Variants in C2CD5 observed in about 807,000 individuals in gnomAD.
C2CD5 encodes C2 calcium dependent domain containing 5.
A neutral mutation model predicts 130.3 loss-of-function variants in C2CD5; 109 were observed. The observed-to-expected ratio is 0.84, with a 90% CI of 0.72 to 0.98. The LOEUF (loss-of-function observed/expected upper bound fraction) is 0.98, where lower values mean the gene tolerates loss of function less well. Among genes scored for constraint, C2CD5 ranks in the 50% least tolerant of loss-of-function variants. The pLI, the probability that C2CD5 is intolerant of heterozygous loss-of-function variation, is 0.00. For synonymous variants in C2CD5, 454 were observed against 429.2 expected (o/e 1.06, Z -0.71); for missense variants, 996 against 1,261.8 (o/e 0.79, Z 3.19).
At chr12:22,519,004 G>C (rs757405514) in intron 7 of C2CD5, 4 of 907,616 alleles carry the variant, frequency 4.4e-6, no homozygotes, top group Non-Finnish European at 6.3e-6. Context: ...GTAAGAAAAG[G>C]ATGAAGCAAA....
In C2CD5 at chr12:22,484,747, G is replaced by T; in HGVS notation, c.1500C>A (p.Asp500Glu). 6.2e-7 allele frequency: 1 copy of T among 1,605,508 alleles called. No individual in the cohort carries two copies. The highest frequency in any genetic ancestry group is 8.5e-7 in the Non-Finnish European group (1 of 1,176,574). The change falls in exon 13 of 27, where the codon GAC (aspartate) becomes GAA (glutamate). Residue 500 changes from aspartate (D) to glutamate (E), a missense_variant. Physicochemically the swap from Asp to Glu is conservative, Grantham distance 45 (BLOSUM62 2). Around this residue, in one of 9 missense-constraint regions of C2CD5, gnomAD observed 590 missense variants for 631.4 expected, o/e 0.93. Coordinates refer to ENST00000446597, the MANE Select transcript of C2CD5 (RefSeq NM_001286176.2). Reference sequence around the variant, plus strand: ...CAATAACTGTTGCATCTGTTGGGAGGTCTATAGTTGTAAACAGAACATCAG... The same window carrying T: ...CAATAACTGTTGCATCTGTTGGGAGTTCTATAGTTGTAAACAGAACATCAG... Reference protein sequence around the residue: ...KVPDVLFTTIDLPTDATVIGK... With the variant: ...KVPDVLFTTIELPTDATVIGK...
chr12:22,509,633 A>G lies in C2CD5; in HGVS notation c.1039-2814T>C, dbSNP rs572063125. On this transcript the variant is annotated intron_variant, in intron 9 of 26. Transcript: ENST00000446597. ...ATGAGAAGAGCTACTGCTGAAATCTATAGCAGATTGTTAAGTACCTATCAT... is the reference window on the plus strand; with the variant it reads ...ATGAGAAGAGCTACTGCTGAAATCTGTAGCAGATTGTTAAGTACCTATCAT... Among the ~76,000 whole-genome samples the G allele has an allele frequency of 2.0e-5, 3 of 152,360 alleles. No individual in the cohort carries two copies. The South Asian group carries it at 6.2e-4, about 32-fold the overall frequency.
In C2CD5 at chr12:22,478,390, G is replaced by A; in HGVS notation, c.1825C>T (p.Gln609Ter). ...TTCTTCTGCATATGAGAGATGTGTTGTTCATATGAGCCATCATTAGGAGTC... is the reference window on the plus strand; with the variant it reads ...TTCTTCTGCATATGAGAGATGTGTTATTCATATGAGCCATCATTAGGAGTC... Reference protein sequence around the residue: ...GKTPNDGSYEQHISHMQKKIN... With the variant: ...GKTPNDGSYE Residue 609 changes from glutamine (Q) to a stop codon, truncating the protein, a stop_gained, in exon 15 of 27, where the codon CAA becomes TAA. Transcript: ENST00000446597. LOFTEE classifies it high-confidence loss of function. 2 of 1,610,956 alleles carry A rather than the reference G, an allele frequency of 1.2e-6. No homozygotes were observed. The highest frequency in any genetic ancestry group is 8.5e-7 in the Non-Finnish European group (1 of 1,177,240).
intron 2 of C2CD5, among the ~76,000 whole-genome samples, chr12:22,538,392 T>A (rs1774534551): frequency 6.6e-6 from 1 of 152,176 alleles, no homozygotes; most frequent in African/African-American, 2.4e-5. Context: ...GAAATACAGT[T>A]GACATAAGCA....
chr12:22,543,155 T>TATCC (rs1952565463), intron 2 of C2CD5, among the ~76,000 whole-genome samples: 1 of 152,248 alleles, frequency 6.6e-6, no homozygotes, highest in South Asian at 2.1e-4. Context: ...ATGATATATC[T>TATCC]ATCCATCAAT....
intron 2 of C2CD5, 55 bp downstream of exon 2, chr12:22,544,006 T>C: frequency 7.4e-7 from 1 of 1,347,758 alleles, no homozygotes; most frequent in Non-Finnish European, 1.1e-6. Context: ...GGTGGGTAGA[T>C]CCTTCACAGG....
intron 8 of C2CD5, chr12:22,514,881 A>G: frequency 5.5e-6 from 3 of 541,810 alleles, no homozygotes; most frequent in Non-Finnish European, 7.1e-6. Flanking sequence ...ATAGAAAGGC[A>G]TCTTGTATAA....
intron 10 of C2CD5, among the ~76,000 whole-genome samples, chr12:22,496,088 C>T (rs953928165): frequency 6.6e-6 from 1 of 151,918 alleles, no homozygotes; most frequent in African/African-American, 2.4e-5. Flanking sequence ...ATTTAGGGGG[C>T]ATTTAATTAA....
At chr12:22,541,969 A>G (rs904519229) in intron 2 of C2CD5, among the ~76,000 whole-genome samples, 19 of 152,206 alleles carry the variant, frequency 1.2e-4, no homozygotes, top group African/African-American at 4.6e-4. Flanking sequence ...GAAGGAAGTA[A>G]TAAGTAACCC....
At position 22,513,344 on chromosome 12, in the gene C2CD5, G is replaced by A; in HGVS notation, c.988C>T (p.Pro330Ser). The change falls in exon 9 of 27, where the codon CCC becomes TCC. Residue 330 changes from proline to serine, a missense_variant. Around this residue, in one of 9 missense-constraint regions of C2CD5, gnomAD observed 156 missense variants for 165.9 expected, o/e 0.94. Coordinates refer to ENST00000446597, the MANE Select transcript of C2CD5 (RefSeq NM_001286176.2). ...GSGSAGKEGG[P>S]FKALLRQQTQ... ...TGTTGTCTTAAAAGAGCTTTAAAGG[G>A]CCCCCCTTCTTTTCCAGCACTACCA... 1 of 1,612,210 alleles carries A rather than the reference G, an allele frequency of 6.2e-7. No homozygotes were observed. The highest frequency in any genetic ancestry group is 1.1e-5 in the South Asian group (1 of 91,028).
intron 26 of C2CD5, 142 bp downstream of exon 26, chr12:22,453,754 G>A (rs751029717): frequency 5.0e-5 from 35 of 693,674 alleles, no homozygotes; most frequent in Middle Eastern, 2.7e-4. Flanking sequence ...CCATGGTTAT[G>A]AATAAACTCA....
intron 10 of C2CD5, among the ~76,000 whole-genome samples, chr12:22,503,004 A>C (rs1319205612): frequency 1.3e-5 from 2 of 152,184 alleles, no homozygotes; most frequent in Non-Finnish European, 2.9e-5. Flanking sequence ...AACTAATCTA[A>C]TTATTTAATT....
chr12:22,493,801 G>C (rs989061180), intron 10 of C2CD5, among the ~76,000 whole-genome samples: 6 of 151,684 alleles, frequency 4.0e-5, no homozygotes, highest in African/African-American at 1.5e-4. Context: ...CCAAGGCAAA[G>C]ATTTGTCAAT....
At chr12:22,465,177 G>T (rs1312686485) in intron 22 of C2CD5, among the ~76,000 whole-genome samples, 1 of 151,902 alleles carries the variant, frequency 6.6e-6, no homozygotes, top group African/African-American at 2.4e-5. Flanking sequence ...AATGAATAGA[G>T]TATTCCTGCC....
At chr12:22,509,985 A>T (rs1460459370) in intron 9 of C2CD5, among the ~76,000 whole-genome samples, 1 of 152,136 alleles carries the variant, frequency 6.6e-6, no homozygotes, top group Non-Finnish European at 1.5e-5. Context: ...TAGGTGGATC[A>T]CCTGAGGTTA....
At position 22,488,452 on chromosome 12, in the gene C2CD5, TA is replaced by T. The variant is rs544492965; in HGVS notation, c.1358+1670del. 3.1e-3 allele frequency among the ~76,000 whole-genome samples: 471 copies of T among 151,752 alleles called. 1 individual carries two copies. The Middle Eastern group carries it at 0.041, about 13-fold the overall frequency. Reference sequence around the variant, plus strand: ...GTTTTTTTCTTTTTTTTTTTACAACTAGGGGTGGCACCTATTGTATTGAACT... The same window carrying T: ...GTTTTTTTCTTTTTTTTTTTACAACTGGGGTGGCACCTATTGTATTGAACT... On this transcript the variant is annotated intron_variant, in intron 12 of 26. Coordinates refer to ENST00000446597, the MANE Select transcript of C2CD5 (RefSeq NM_001286176.2).
At chr12:22,488,832 G>A (rs888159859) in intron 12 of C2CD5, among the ~76,000 whole-genome samples, 7 of 150,802 alleles carry the variant, frequency 4.6e-5, no homozygotes, top group African/African-American at 1.2e-4. Context: ...TTATAAATGC[G>A]TGCAAGTTTA....
At chr12:22,541,640 C>T (rs1344792552) in intron 2 of C2CD5, among the ~76,000 whole-genome samples, 2 of 152,174 alleles carry the variant, frequency 1.3e-5, no homozygotes, top group African/African-American at 4.8e-5. Flanking sequence ...CAAATATGCT[C>T]CCTCAGCAGC....
chr12:22,482,668 T>C lies in C2CD5; in HGVS notation c.1626A>G (p.Glu542=). The change falls in exon 14 of 27, where the codon GAA becomes GAG. Residue 542 remains glutamate, a synonymous_variant. Transcript: ENST00000446597. ...TAISNLLPFM[E]YEVHTQLMNK... is the part of the protein sequence containing the mutation. ...TCATTAGCTGAGTATGCACTTCATA[T>C]TCCATAAATGGCAAGAGATTACTGA... The C allele has an allele frequency of 1.2e-6, 2 of 1,613,154 alleles. No homozygotes were observed. The highest frequency in any genetic ancestry group is 1.7e-6 in the Non-Finnish European group (2 of 1,179,182).
Sources: gnomAD v4.1 joint callset for allele counts (sites outside exome capture counted in the v4.1 genomes callset) on GRCh38, gnomAD v4.1.1 for gene constraint, gnomAD v4.1.1 regional missense constraint, MANE v1.5 for transcripts, NCBI Gene and HGNC (gene_info 2026-07-23, HGNC 2026-07-21) for gene names.